The following BCAS3 variants were observed in gnomAD, a reference collection of about 807,000 sequenced individuals.
The protein encoded by BCAS3 is BCAS3 microtubule associated cell migration factor.
Under a neutral mutation model 116.1 loss-of-function variants are expected in BCAS3, and 53 were observed. That is an observed-to-expected ratio of 0.46 (90% confidence interval 0.37 to 0.57). The LOEUF is 0.57. Among genes scored for constraint, BCAS3 ranks in the 20% least tolerant of loss-of-function variants. BCAS3 has a pLI of 0.00. For missense variants in BCAS3, 917 were observed against 1,165.4 expected, an observed-to-expected ratio of 0.79 and a Z score of 3.10; for synonymous variants, 391 against 408.2, an observed-to-expected ratio of 0.96 and a Z score of 0.51.
At chr17:60,786,655 A>C (rs2046315810) in intron 6 of BCAS3, among the ~76,000 whole-genome samples, 1 of 151,860 alleles carries the variant, frequency 6.6e-6, no homozygotes, top group Non-Finnish European at 1.5e-5. Flanking sequence ...TATTGGCAAG[A>C]CTCATGAACG....
rs1192393215 is a variant in BCAS3 at position 61,026,533 on chromosome 17, T to G, written c.1638-8133T>G. ...TTGCTATTGATCTCACTCTTCTCCA[T>G]CTGGTTATTCCATTTAACTTATACC... On this transcript the variant is annotated intron_variant, in intron 16 of 23. Coordinates refer to ENST00000407086, the MANE Select transcript of BCAS3 (RefSeq NM_017679.5). The surrounding 1 kb of genome is among the most constrained non-coding windows in gnomAD (Gnocchi z 5.0). Among the ~76,000 whole-genome samples, 2 of 152,046 alleles carry G rather than the reference T, an allele frequency of 1.3e-5. No individual in the cohort carries two copies. Among genetic ancestry groups the G allele is most frequent in the African/African-American group, 4.8e-5 (2 of 41,436 alleles).
rs1454415447 is a variant in BCAS3 at position 61,343,514 on chromosome 17, A to G, written c.2426-24813A>G. Among the ~76,000 whole-genome samples the G allele has an allele frequency of 1.3e-5, 2 of 152,230 alleles. No homozygotes were observed. The highest frequency in any genetic ancestry group is 2.9e-5 in the Non-Finnish European group (2 of 68,042). ...CTTTTGCCCCAGAAGTTCTGACTCT[A>G]GTCTGGAGTGGGCCTTGTAGCTCCA... On this transcript the variant is annotated intron_variant, in intron 22 of 23. Coordinates refer to ENST00000407086, the MANE Select transcript of BCAS3 (RefSeq NM_017679.5). The surrounding 1 kb of genome is among the most constrained non-coding windows in gnomAD (Gnocchi z 5.5).
chr17:60,728,478 T>C (rs1224466889), intron 5 of BCAS3, among the ~76,000 whole-genome samples: 1 of 152,102 alleles, frequency 6.6e-6, no homozygotes, highest in African/African-American at 2.4e-5. Flanking sequence ...TTTATTTTTA[T>C]TTTATTTTAT....
In BCAS3 at chr17:61,188,187, G is replaced by A. The variant is rs73993716; in HGVS notation, c.2425+103623G>A. On this transcript the variant is annotated intron_variant, in intron 22 of 23. Coordinates refer to ENST00000407086, the MANE Select transcript of BCAS3 (RefSeq NM_017679.5). This position sits in a 1 kb window ranked among gnomAD's most constrained non-coding sequence, Gnocchi z 4.0. ...AAAACAATCTCTCCTTGCTATTCTC[G>A]CTATTGAACAGTCTCCAACTCTTAA... 7.0e-4 allele frequency among the ~76,000 whole-genome samples: 107 copies of A among 152,222 alleles called. 1 individual carries two copies. Among genetic ancestry groups the A allele is most frequent in the African/African-American group, 2.5e-3 (103 of 41,542 alleles).
At chr17:61,137,859 AGTT>A (rs1270339591) in intron 22 of BCAS3, among the ~76,000 whole-genome samples, 16 of 152,084 alleles carry the variant, frequency 1.1e-4, no homozygotes, top group African/African-American at 3.9e-4. Flanking sequence ...GTTTTGTGGG[AGTT>A]GTTGTTTTGG....
chr17:60,932,071 TA>T (rs1358607428), intron 13 of BCAS3, among the ~76,000 whole-genome samples: 1 of 150,974 alleles, frequency 6.6e-6, no homozygotes, highest in African/African-American at 2.4e-5. Flanking sequence ...AGACCCTGTC[TA>T]AAAAAAAATA....
chr17:60,908,253 G>C (rs1476848735), intron 11 of BCAS3, among the ~76,000 whole-genome samples: 1 of 151,442 alleles, frequency 6.6e-6, no homozygotes, highest in African/African-American at 2.4e-5. Context: ...TCTTTTTCCT[G>C]GTTCTCTTAT....
intron 15 of BCAS3, among the ~76,000 whole-genome samples, chr17:61,002,371 T>C (rs773769920): frequency 6.6e-6 from 1 of 152,124 alleles, no homozygotes; most frequent in Non-Finnish European, 1.5e-5. Flanking sequence ...ATATTTTTTC[T>C]TTTCTATGTA....
rs2078811372 is a variant in BCAS3, at chr17:61,171,005, A to G, written c.2425+86441A>G. Among the ~76,000 whole-genome samples the G allele has an allele frequency of 6.6e-6, 1 of 152,202 alleles. No individual in the cohort carries two copies. Among genetic ancestry groups the G allele is most frequent in the Non-Finnish European group, 1.5e-5 (1 of 68,038 alleles). ...AGTGATTTCTGTTCCCATTAGCCAG[A>G]TTGGAAAATCTCATAATTTGCAGGT... On this transcript the variant is annotated intron_variant, in intron 22 of 23. Transcript: ENST00000407086. The surrounding 1 kb of genome is among the most constrained non-coding windows in gnomAD (Gnocchi z 4.1).
intron 22 of BCAS3, among the ~76,000 whole-genome samples, chr17:61,334,678 A>C (rs889781735): frequency 4.0e-5 from 6 of 151,482 alleles, no homozygotes; most frequent in East Asian, 1.9e-4. Context: ...AAAAAAAAAA[A>C]AAAAAAAAAA....
rs1568440453 is a variant in BCAS3 at position 61,141,923 on chromosome 17, T to TAACAAAAAAAAAAAAAAAAAAAAAAAAAA, written c.2425+57360_2425+57361insACAAAAAAAAAAAAAAAAAAAAAAAAAAA. 8.5e-5 allele frequency among the ~76,000 whole-genome samples: 1 copy of TAACAAAAAAAAAAAAAAAAAAAAAAAAAA among 11,834 alleles called. No homozygotes were observed. Among genetic ancestry groups the TAACAAAAAAAAAAAAAAAAAAAAAAAAAA allele is most frequent in the Non-Finnish European group, 1.0e-3 (1 of 968 alleles). The allele number at this position is 11,834 out of a possible 152,430, so 7.8% of individuals were successfully genotyped here. On this transcript the variant is annotated intron_variant, in intron 22 of 23. Coordinates refer to ENST00000407086, the MANE Select transcript of BCAS3 (RefSeq NM_017679.5). This position sits in a 1 kb window ranked among gnomAD's most constrained non-coding sequence, Gnocchi z 4.3. ...TCAAGAAAAAAAAAAAAAAAAAAGT[T>TAACAAAAAAAAAAAAAAAAAAAAAAAAAA]AGACAATTATACAGAGATACTCAAG... is the stretch of plus-strand genomic sequence containing the variant.
At chr17:61,370,335 T>G (rs2058982281) in intron 23 of BCAS3, among the ~76,000 whole-genome samples, 1 of 152,012 alleles carries the variant, frequency 6.6e-6, no homozygotes. Flanking sequence ...AGGAATTTAG[T>G]TGGTTTTCTC....
chr17:61,105,555 G>T lies in BCAS3; in HGVS notation c.2425+20991G>T, dbSNP rs1303812300. 6.6e-6 allele frequency among the ~76,000 whole-genome samples: 1 copy of T among 152,196 alleles called. No homozygotes were observed. The highest frequency in any genetic ancestry group is 1.5e-5 in the Non-Finnish European group (1 of 68,032). On this transcript the variant is annotated intron_variant, in intron 22 of 23. Coordinates refer to ENST00000407086, the MANE Select transcript of BCAS3 (RefSeq NM_017679.5). This position sits in a 1 kb window ranked among gnomAD's most constrained non-coding sequence, Gnocchi z 4.3. Reference sequence around the variant, plus strand: ...TTCTCCTGCCTCAGCCCCATGAGTAGCTGGGGTTACAGGCATGTGCCACCA... The same window carrying T: ...TTCTCCTGCCTCAGCCCCATGAGTATCTGGGGTTACAGGCATGTGCCACCA...
rs2081473980 is a variant in BCAS3, at chr17:61,211,795, A to G, written c.2425+127231A>G. 6.6e-6 allele frequency among the ~76,000 whole-genome samples: 1 copy of G among 152,242 alleles called. No individual in the cohort carries two copies. The highest frequency in any genetic ancestry group is 2.4e-5 in the African/African-American group (1 of 41,476). ...CGCTCAACAGCTCATCTGAAGGTCC[A>G]GAGTATGTTTACTGGGTAAAATATT... On this transcript the variant is annotated intron_variant, in intron 22 of 23. Coordinates refer to ENST00000407086, the MANE Select transcript of BCAS3 (RefSeq NM_017679.5). The surrounding 1 kb of genome is among the most constrained non-coding windows in gnomAD (Gnocchi z 4.4).
At position 61,023,760 on chromosome 17, in the gene BCAS3, C is replaced by T. The variant is rs370901840; in HGVS notation, c.1637+7859C>T. On this transcript the variant is annotated intron_variant, in intron 16 of 23. Transcript: ENST00000407086. The surrounding 1 kb of genome is among the most constrained non-coding windows in gnomAD (Gnocchi z 4.8). ...GAGAACTAATGGCCAGGTCATTTCA[C>T]GGTGGCCTATATATAAGTCTGTAAT... is the stretch of plus-strand genomic sequence containing the variant. 1.4e-3 allele frequency among the ~76,000 whole-genome samples: 219 copies of T among 152,090 alleles called. 1 individual carries two copies. The highest frequency in any genetic ancestry group is 5.0e-3 in the South Asian group (24 of 4,792).
At chr17:60,712,950 A>G (rs1231640307) in intron 5 of BCAS3, among the ~76,000 whole-genome samples, 1 of 152,156 alleles carries the variant, frequency 6.6e-6, no homozygotes, top group Non-Finnish European at 1.5e-5. Flanking sequence ...CTGAGCAGAG[A>G]TGATAGCCTG....
intron 19 of BCAS3, among the ~76,000 whole-genome samples, chr17:61,071,687 AAATAT>A (rs1216033890): frequency 2.0e-5 from 3 of 152,226 alleles, no homozygotes; most frequent in Admixed American, 1.3e-4. Context: ...ATCCAATACT[AAATAT>A]AATAGGAAGA....
At chr17:61,268,287 A>T (rs993807980) in intron 22 of BCAS3, among the ~76,000 whole-genome samples, 3 of 152,220 alleles carry the variant, frequency 2.0e-5, no homozygotes, top group Non-Finnish European at 4.4e-5. Flanking sequence ...AGAATTTTAC[A>T]GTCAATGATA....
chr17:60,801,107 A>G (rs2047733358), intron 6 of BCAS3, among the ~76,000 whole-genome samples: 1 of 151,982 alleles, frequency 6.6e-6, no homozygotes, highest in Non-Finnish European at 1.5e-5. Flanking sequence ...ATCTTGCTGG[A>G]TTTTTGGTAG....
Sources: allele counts gnomAD v4.1 joint callset (sites outside exome capture counted in the v4.1 genomes callset), GRCh38; gene constraint gnomAD v4.1.1; non-coding constraint Gnocchi (gnomAD v3.1); transcripts MANE v1.5; gene names NCBI Gene and HGNC (gene_info 2026-07-23, HGNC 2026-07-21).